Variants in CDC42SE2 observed in about 807,000 individuals in gnomAD.
CDC42SE2 encodes the protein CDC42 small effector protein 2.
In CDC42SE2, 3 loss-of-function variants were observed where a neutral mutation model predicts 11.5. The observed-to-expected ratio is 0.26, with a 90% CI of 0.12 to 0.67. The LOEUF (loss-of-function observed/expected upper bound fraction) is 0.67. Ranked by LOEUF, CDC42SE2 falls within the 30% of genes least tolerant of loss-of-function variation. The pLI is 0.80. For missense variants in CDC42SE2, 82 were observed against 106.8 expected, an observed-to-expected ratio of 0.77 and a Z score of 1.02; for synonymous variants, 33 against 34.8, an observed-to-expected ratio of 0.95 and a Z score of 0.18.
chr5:131,240,944 T>C (rs1403149303), upstream of CDC42SE2, among the ~76,000 whole-genome samples: 1 of 149,950 alleles, frequency 6.7e-6, no homozygotes, highest in Non-Finnish European at 1.5e-5. Context: ...CAGATGGTTT[T>C]ATGGGTTTTG....
chr5:131,323,533 C>CCT (rs749615609), intron 2 of CDC42SE2, among the ~76,000 whole-genome samples: 35 of 139,320 alleles, frequency 2.5e-4, no homozygotes, highest in East Asian at 8.2e-4. Flanking sequence ...AGGGATTGTA[C>CCT]CTCTCTCTCT....
intron 2 of CDC42SE2, among the ~76,000 whole-genome samples, chr5:131,351,194 C>T (rs1423670524): frequency 6.6e-6 from 1 of 152,110 alleles, no homozygotes; most frequent in African/African-American, 2.4e-5. Flanking sequence ...CAGCAATCCA[C>T]CCTCCTTGGT....
intron 1 of CDC42SE2, among the ~76,000 whole-genome samples, chr5:131,284,909 A>G (rs544571050): frequency 6.6e-6 from 1 of 152,132 alleles, no homozygotes; most frequent in African/African-American, 2.4e-5. Flanking sequence ...AGTCCCAGCT[A>G]CATGGGAGGC....
At chr5:131,369,554 G>T (rs897023805) in intron 3 of CDC42SE2, among the ~76,000 whole-genome samples, 1 of 152,162 alleles carries the variant, frequency 6.6e-6, no homozygotes, top group Non-Finnish European at 1.5e-5. Flanking sequence ...GTGTTCCATT[G>T]TGCCATATCC....
intron 2 of CDC42SE2, among the ~76,000 whole-genome samples, chr5:131,339,246 GAAAAAAAAAAAA>G (rs34594352): frequency 1.8e-4 from 5 of 28,230 alleles, no homozygotes; most frequent in Non-Finnish European, 3.7e-4. Flanking sequence ...GACTCTGTCT[GAAAAAAAAAAAA>G]AAAAAAAAAA....
chr5:131,210,431 G>A, the CDC42SE2 span, among the ~76,000 whole-genome samples: 1 of 151,894 alleles, frequency 6.6e-6, no homozygotes, highest in Admixed American at 6.6e-5. Context: ...CTTCCTTTTT[G>A]AATTCAATTT....
At chr5:131,236,252 C>G in the CDC42SE2 span, among the ~76,000 whole-genome samples, 2 of 151,920 alleles carry the variant, frequency 1.3e-5, no homozygotes, top group Admixed American at 6.6e-5. Context: ...TTTATAGTTT[C>G]TGCATTTTTT....
At chr5:131,386,459 G>T (rs1750490030) in intron 4 of CDC42SE2, among the ~76,000 whole-genome samples, 1 of 152,200 alleles carries the variant, frequency 6.6e-6, no homozygotes, top group Admixed American at 6.5e-5. Flanking sequence ...CATAGGATTA[G>T]AATTTTCACA....
intron 1 of CDC42SE2, among the ~76,000 whole-genome samples, chr5:131,291,496 T>C (rs1757457211): frequency 6.6e-6 from 1 of 152,198 alleles, no homozygotes; most frequent in Admixed American, 6.5e-5. Context: ...GTTACTCTTT[T>C]TTTTCTCCTT....
At chr5:131,292,799 C>A (rs1292263157) in intron 1 of CDC42SE2, among the ~76,000 whole-genome samples, 3 of 149,836 alleles carry the variant, frequency 2.0e-5, no homozygotes, top group African/African-American at 7.4e-5. Flanking sequence ...GTAGTCCCAG[C>A]TCCTTGGGAG....
intron 2 of CDC42SE2, among the ~76,000 whole-genome samples, chr5:131,320,728 G>A (rs565019322): frequency 6.6e-6 from 1 of 152,048 alleles, no homozygotes; most frequent in Non-Finnish European, 1.5e-5. Flanking sequence ...GCGACAGAGC[G>A]AGACTCTGTC....
At chr5:131,287,764 A>G (rs1009981479) in intron 1 of CDC42SE2, among the ~76,000 whole-genome samples, 6 of 152,168 alleles carry the variant, frequency 3.9e-5, no homozygotes, top group Non-Finnish European at 8.8e-5. Context: ...GTGAAGCACC[A>G]TATCCTACCG....
chr5:131,224,849 G>A, the CDC42SE2 span, among the ~76,000 whole-genome samples: 1 of 151,708 alleles, frequency 6.6e-6, no homozygotes, highest in African/African-American at 2.4e-5. Flanking sequence ...GGTCAGGCAA[G>A]GGAGTAGGAC....
At chr5:131,336,952 A>G (rs1204717729) in intron 2 of CDC42SE2, among the ~76,000 whole-genome samples, 4 of 152,144 alleles carry the variant, frequency 2.6e-5, no homozygotes, top group East Asian at 3.9e-4. Flanking sequence ...GATCTTCTGA[A>G]GCCTTCCTCT....
chr5:131,225,735 A>T, the CDC42SE2 span, among the ~76,000 whole-genome samples: 1 of 152,144 alleles, frequency 6.6e-6, no homozygotes, highest in Admixed American at 6.6e-5. Flanking sequence ...ACCTATCCCT[A>T]CTATCTCTCA....
intron 1 of CDC42SE2, among the ~76,000 whole-genome samples, chr5:131,311,590 T>C (rs1333343495): frequency 1.3e-5 from 2 of 152,188 alleles, no homozygotes; most frequent in African/African-American, 4.8e-5. Flanking sequence ...CAATCAGACG[T>C]AGATTTGGTC....
rs774221731 is a variant in CDC42SE2 at position 131,394,457 on chromosome 5, A to G, written c.*3366A>G. 3 of 152,356 alleles carry G rather than the reference A, an allele frequency of 2.0e-5. No homozygotes were observed. Among genetic ancestry groups the G allele is most frequent in the Non-Finnish European group, 4.4e-5 (3 of 68,028 alleles). 9.4% of individuals were successfully genotyped at this position (152,356 alleles called of 1,614,324 possible). A position where few individuals can be genotyped will look rare whatever the true frequency, so the allele number is the denominator to read the frequency against. On this transcript the variant is annotated 3_prime_UTR_variant, in exon 5 of 5. Transcript: ENST00000505065. The stretch of plus-strand genomic sequence containing the variant: ...TTAGCTTTCACTTTGTTGTTAAATT[A>G]TAGCAGACTCATTATAGAGAACAAG...
intron 2 of CDC42SE2, among the ~76,000 whole-genome samples, chr5:131,348,534 A>T (rs1758914278): frequency 6.6e-6 from 1 of 152,226 alleles, no homozygotes; most frequent in Admixed American, 6.5e-5. Flanking sequence ...CATGGATAGG[A>T]GGAATCAATA....
At chr5:131,283,004 C>T (rs182774389) in intron 1 of CDC42SE2, among the ~76,000 whole-genome samples, 1,921 of 142,518 alleles carry the variant, frequency 0.013, 32 homozygotes, top group African/African-American at 0.042. Context: ...CTCGGCTCAC[C>T]GCAGCCTCCA....
Sources: allele counts gnomAD v4.1 joint callset (sites outside exome capture counted in the v4.1 genomes callset), GRCh38; gene constraint gnomAD v4.1.1; transcripts MANE v1.5; gene names NCBI Gene and HGNC (gene_info 2026-07-23, HGNC 2026-07-21).